TIMM22: variants seen among roughly 807,000 people sequenced by gnomAD.
TIMM22 encodes the protein mitochondrial import inner membrane translocase subunit Tim22.
Under a neutral mutation model 18.3 loss-of-function variants are expected in TIMM22, and 12 were observed. That is an observed-to-expected ratio of 0.65 (90% CI 0.42 to 1.06). The LOEUF (loss-of-function observed/expected upper bound fraction) is 1.06, where lower values mean the gene tolerates loss of function less well. TIMM22 is among the 50% of genes least tolerant of loss of function. The pLI, the probability that TIMM22 is intolerant of heterozygous loss-of-function variation, is 0.00. For missense variants in TIMM22, 278 were observed against 252.8 expected, an observed-to-expected ratio of 1.10 and a Z score of -0.68; for synonymous variants, 107 against 98.5, an observed-to-expected ratio of 1.09 and a Z score of -0.51.
chr17:998,669 T>G, intron 1 of TIMM22, 110 bp from the exon 2 acceptor site: 3 of 1,093,532 alleles, frequency 2.7e-6, no homozygotes, highest in South Asian at 1.9e-5. Flanking sequence ...AAGAGGGGGG[T>G]GTCCTCTGCA....
chr17:999,702 A>T, intron 3 of TIMM22, 118 bp downstream of exon 3: 1 of 1,013,900 alleles, frequency 9.9e-7, no homozygotes, highest in Non-Finnish European at 1.5e-6. Flanking sequence ...CTGACAAATA[A>T]ATCATGTTTG....
intron 2 of TIMM22, among the ~76,000 whole-genome samples, chr17:999,207 T>C (rs1178697544): frequency 6.6e-6 from 1 of 151,806 alleles, no homozygotes; most frequent in Non-Finnish European, 1.5e-5. Flanking sequence ...AGTTAGCTAA[T>C]GATTTTAAAC....
rs1278534075 is a variant in TIMM22, at chr17:1,002,745, C to CAA, written c.*1659_*1660dup. 6.6e-6 allele frequency: 1 copy of CAA among 152,144 alleles called. No individual in the cohort carries two copies. The highest frequency in any genetic ancestry group is 2.4e-5 in the African/African-American group (1 of 41,420). 9.4% of individuals were successfully genotyped at this position (152,144 alleles called of 1,614,324 possible). A position where few individuals can be genotyped will look rare whatever the true frequency, so the allele number is the denominator to read the frequency against. On this transcript the variant is annotated 3_prime_UTR_variant, in exon 4 of 4. Coordinates refer to ENST00000327158, the MANE Select transcript of TIMM22 (RefSeq NM_013337.4). ...GCAGACATTCCCACCTGGTACCTGTCAAAGTCCTAGGATGCCTGGGATCTT... is the reference window on the plus strand; with the variant it reads ...GCAGACATTCCCACCTGGTACCTGTCAAAAAGTCCTAGGATGCCTGGGATCTT...
At position 998,863 on chromosome 17, in the gene TIMM22, C is replaced by T; in HGVS notation, c.323C>T (p.Thr108Ile). 1 of 1,614,132 alleles carries T rather than the reference C, an allele frequency of 6.2e-7. No homozygotes were observed. ...TTTGACCCTAAGGATCCTTACCGTA[C>T]ACCGACTGCAAAAGAAGTGCTGAAA... ...VGFDPKDPYR[T>I]PTAKEVLKDM... The change falls in exon 2 of 4, where the codon ACA becomes ATA. Residue 108 changes from threonine to isoleucine, a missense_variant. Thr to Ile is a moderately conservative substitution (Grantham distance 89). Coordinates refer to ENST00000327158, the MANE Select transcript of TIMM22 (RefSeq NM_013337.4).
chr17:1,000,642 G>C (rs2069735008), intron 3 of TIMM22, among the ~76,000 whole-genome samples: 1 of 152,158 alleles, frequency 6.6e-6, no homozygotes, highest in African/African-American at 2.4e-5. Context: ...GAGAAGCTCT[G>C]CTGTCTCCAG....
intron 3 of TIMM22, among the ~76,000 whole-genome samples, chr17:1,000,066 A>ATTT (rs79776948): frequency 6.6e-6 from 1 of 150,440 alleles, no homozygotes; most frequent in Admixed American, 6.6e-5. Context: ...TGCTCAGCTA[A>ATTT]TTTTTATTTT....
In TIMM22 at chr17:998,978, A is replaced by C. The variant is rs2069712832; in HGVS notation, c.435+3A>C. The C allele has an allele frequency of 1.2e-6, 2 of 1,606,104 alleles. No individual in the cohort carries two copies. Among genetic ancestry groups the C allele is most frequent in the Admixed American group, 1.7e-5 (1 of 59,596 alleles). On this transcript the variant is annotated splice_donor_region_variant and intron_variant, in intron 2 of 3. Transcript: ENST00000327158. ...GTACTGAGTGTTTGATAGAATCTGT[A>C]AGTGTCTCTGCCTTCTAAGAAATCC...
rs548032504 is a variant in TIMM22, at chr17:998,091, T to C, written c.239-688T>C. On this transcript the variant is annotated intron_variant, in intron 1 of 3. Transcript: ENST00000327158. ...TGAGGTTTGAAAAACTGAAAGACCATTGTGACTAGACAGCCCCGAGCAAGG... is the reference window on the plus strand; with the variant it reads ...TGAGGTTTGAAAAACTGAAAGACCACTGTGACTAGACAGCCCCGAGCAAGG... 4.6e-5 allele frequency among the ~76,000 whole-genome samples: 7 copies of C among 152,324 alleles called. No homozygotes were observed. In the East Asian group the frequency reaches 1.3e-3, roughly 29 times the overall value.
intron 3 of TIMM22, 59 bp from the exon 4 acceptor site, chr17:1,000,949 CGTGA>C: frequency 6.3e-7 from 1 of 1,585,046 alleles, no homozygotes; most frequent in Non-Finnish European, 8.7e-7. Context: ...GCCAACTTTC[CGTGA>C]GTGCCTCGTG....
chr17:1,000,697 C>G (rs1341403862), intron 3 of TIMM22, among the ~76,000 whole-genome samples: 1 of 152,186 alleles, frequency 6.6e-6, no homozygotes, highest in Admixed American at 6.6e-5. Context: ...ATAAACAAAT[C>G]AGGGTCAAGG....
chr17:1,001,186 T>G lies in TIMM22; in HGVS notation c.*98T>G. ...CACACCAGGGCCTTGCTTCAGGGCC[T>G]GAAGACATTCATTTTCCCTCATGTC... On this transcript the variant is annotated 3_prime_UTR_variant, in exon 4 of 4. Transcript: ENST00000327158. 1 of 1,304,798 alleles carries G rather than the reference T, an allele frequency of 7.7e-7. No homozygotes were observed. 80.8% of individuals were successfully genotyped at this position (1,304,798 alleles called of 1,614,324 possible). A position where few individuals can be genotyped will look rare whatever the true frequency, so the allele number is the denominator to read the frequency against.
At chr17:1,000,575 T>C (rs979505305) in intron 3 of TIMM22, among the ~76,000 whole-genome samples, 4 of 152,186 alleles carry the variant, frequency 2.6e-5, no homozygotes, top group African/African-American at 7.2e-5. Context: ...CCATTTATGA[T>C]GACGGACTGA....
Position 1,003,006 on chromosome 17 carries a change from T to A in TIMM22, c.*1918T>A, listed in dbSNP as rs546518540. On this transcript the variant is annotated 3_prime_UTR_variant, in exon 4 of 4. Coordinates refer to ENST00000327158, the MANE Select transcript of TIMM22 (RefSeq NM_013337.4). ...AGACATCTGTTCCTGATCTTCAGAA[T>A]AAACTCAGTGTCCAGTTGCTTCGGC... The A allele has an allele frequency of 4.6e-5, 7 of 152,252 alleles. No individual in the cohort carries two copies. Among genetic ancestry groups the A allele is most frequent in the Middle Eastern group, 3.4e-3 (1 of 294 alleles). The allele number at this position is 152,252 out of a possible 1,614,324, so 9.4% of individuals were successfully genotyped here.
Position 998,992 on chromosome 17 carries a change from T to C in TIMM22, c.435+17T>C. On this transcript the variant is annotated intron_variant, in intron 2 of 3. Coordinates refer to ENST00000327158, the MANE Select transcript of TIMM22 (RefSeq NM_013337.4). ...ATAGAATCTGTAAGTGTCTCTGCCT[T>C]CTAAGAAATCCTTGCTGGGGCCACC... is the stretch of plus-strand genomic sequence containing the variant. The C allele has an allele frequency of 1.3e-6, 2 of 1,593,142 alleles. No individual in the cohort carries two copies.
chr17:997,478 G>T, intron 1 of TIMM22, 98 bp downstream of exon 1: 2 of 1,239,046 alleles, frequency 1.6e-6, no homozygotes, highest in South Asian at 2.9e-5. Context: ...GAGGGACTGC[G>T]GGCCTTGACC....
At position 998,663 on chromosome 17, in the gene TIMM22, G is replaced by A. The variant is rs989123890; in HGVS notation, c.239-116G>A. ...CAAGTGGAGAGTTTGAGTGGCAAGAGGGGGGTGTCCTCTGCACCGGTGGTC... is the reference window on the plus strand; with the variant it reads ...CAAGTGGAGAGTTTGAGTGGCAAGAAGGGGGTGTCCTCTGCACCGGTGGTC... On this transcript the variant is annotated intron_variant, in intron 1 of 3. Coordinates refer to ENST00000327158, the MANE Select transcript of TIMM22 (RefSeq NM_013337.4). 1.6e-5 allele frequency: 17 copies of A among 1,032,812 alleles called. No individual in the cohort carries two copies. The South Asian group carries it at 2.9e-4, about 18-fold the overall frequency. 64.0% of individuals were successfully genotyped at this position (1,032,812 alleles called of 1,614,324 possible).
In TIMM22 at chr17:1,001,444, T is replaced by C. The variant is rs1025035993; in HGVS notation, c.*356T>C. 1.4e-4 allele frequency: 35 copies of C among 242,466 alleles called. No homozygotes were observed. Among genetic ancestry groups the C allele is most frequent in the African/African-American group, 7.7e-4 (34 of 44,114 alleles). The allele number at this position is 242,466 out of a possible 1,614,324, so 15.0% of individuals were successfully genotyped here. On this transcript the variant is annotated 3_prime_UTR_variant, in exon 4 of 4. Transcript: ENST00000327158. ...GGTGTTGTGGGCACAGAGGTGACAG[T>C]GTCTCTGCAGGCACTCAGGAAGCTG... is the stretch of plus-strand genomic sequence containing the variant.
chr17:1,003,415 A>C lies in TIMM22; in HGVS notation c.*2327A>C, dbSNP rs1240749678. ...GGCTCAAGGGGAGTGAACTAGGTAA[A>C]CAGATTCCTGGAAACTCACATCTGG... On this transcript the variant is annotated 3_prime_UTR_variant, in exon 4 of 4. Transcript: ENST00000327158. 2 of 152,520 alleles carry C rather than the reference A, an allele frequency of 1.3e-5. No homozygotes were observed. Among genetic ancestry groups the C allele is most frequent in the Non-Finnish European group, 2.9e-5 (2 of 68,036 alleles). The allele number at this position is 152,520 out of a possible 1,614,324, so 9.4% of individuals were successfully genotyped here.
At chr17:1,000,066 A>ATTTTTTTTT (rs79776948) in intron 3 of TIMM22, among the ~76,000 whole-genome samples, 35,855 of 150,334 alleles carry the variant, frequency 0.24, 5,169 homozygotes, top group Non-Finnish European at 0.32. Context: ...TGCTCAGCTA[A>ATTTTTTTTT]TTTTTATTTT....
Sources: gnomAD v4.1 joint callset for allele counts (sites outside exome capture counted in the v4.1 genomes callset) on GRCh38, gnomAD v4.1.1 for gene constraint, MANE v1.5 for transcripts, NCBI Gene and HGNC (gene_info 2026-07-23, HGNC 2026-07-21) for gene names.